FERMT2: variants seen among roughly 807,000 people sequenced by gnomAD.
FERMT2 encodes the protein FERM domain containing kindlin 2.
In FERMT2, 15 loss-of-function variants were observed where a neutral mutation model predicts 82.7. The observed-to-expected ratio is 0.18, with a 90% CI of 0.12 to 0.28. The LOEUF (loss-of-function observed/expected upper bound fraction) is 0.28, where lower values mean the gene tolerates loss of function less well. Among genes scored for constraint, FERMT2 ranks in the 10% least tolerant of loss-of-function variants. The pLI is 1.00. For synonymous variants in FERMT2, 274 were observed against 271.5 expected (o/e 1.01, Z -0.09); for missense variants, 645 against 809.4 (o/e 0.80, Z 2.46).
chr14:52,950,189 G>T (rs1337588994), intron 2 of FERMT2, among the ~76,000 whole-genome samples: 1 of 152,184 alleles, frequency 6.6e-6, no homozygotes, highest in Non-Finnish European at 1.5e-5. Context: ...ATAATTGGGA[G>T]GCTCGAATCA....
chr14:52,908,397 T>C (rs1007651289), intron 3 of FERMT2, among the ~76,000 whole-genome samples: 1 of 152,208 alleles, frequency 6.6e-6, no homozygotes, highest in Non-Finnish European at 1.5e-5. Flanking sequence ...GAAGCTTTTT[T>C]TTAAAATAAT....
chr14:52,873,948 CTT>C (rs374646717), intron 9 of FERMT2, among the ~76,000 whole-genome samples: 61 of 139,658 alleles, frequency 4.4e-4, no homozygotes, highest in African/African-American at 1.0e-3. Flanking sequence ...GTTTCACAAT[CTT>C]TTTTTTTTTT....
chr14:52,890,706 C>T (rs561586970), intron 4 of FERMT2, among the ~76,000 whole-genome samples: 170 of 150,874 alleles, frequency 1.1e-3, no homozygotes, highest in Non-Finnish European at 2.0e-3. Context: ...CAGGTTCAAG[C>T]GATTCTCCTG....
chr14:52,885,235 C>T (rs1029844761), intron 4 of FERMT2, among the ~76,000 whole-genome samples: 3 of 143,802 alleles, frequency 2.1e-5, no homozygotes, highest in African/African-American at 7.8e-5. Flanking sequence ...ATCGCTTGAA[C>T]CCAGAAGGCA....
At chr14:52,884,303 T>G (rs1465162883) in intron 4 of FERMT2, among the ~76,000 whole-genome samples, 2 of 152,188 alleles carry the variant, frequency 1.3e-5, no homozygotes, top group Admixed American at 6.5e-5. Flanking sequence ...GCAGCCAAGC[T>G]ATAAATCGGC....
At chr14:52,877,180 A>T (rs1886009811) in intron 7 of FERMT2, among the ~76,000 whole-genome samples, 1 of 152,226 alleles carries the variant, frequency 6.6e-6, no homozygotes. Context: ...TAAAAACAAT[A>T]ACCATAAACA....
chr14:52,871,170 A>G (rs1406336721), intron 10 of FERMT2, among the ~76,000 whole-genome samples: 2 of 152,064 alleles, frequency 1.3e-5, no homozygotes, highest in African/African-American at 2.4e-5. Context: ...TGTGTCTCTA[A>G]CCCCTTAGCT....
At chr14:52,950,085 T>C (rs1890555050) in intron 2 of FERMT2, among the ~76,000 whole-genome samples, 1 of 152,176 alleles carries the variant, frequency 6.6e-6, no homozygotes, top group Non-Finnish European at 1.5e-5. Context: ...CAACACACTT[T>C]CCTCATTCTT....
intron 4 of FERMT2, among the ~76,000 whole-genome samples, chr14:52,886,157 T>C (rs924254682): frequency 1.3e-5 from 2 of 152,162 alleles, no homozygotes; most frequent in African/African-American, 2.4e-5. Flanking sequence ...GAGATACTAC[T>C]TATTGTCAAA....
At chr14:52,873,312 G>T (rs2140094137) in intron 9 of FERMT2, among the ~76,000 whole-genome samples, 2 of 152,326 alleles carry the variant, frequency 1.3e-5, no homozygotes, top group East Asian at 1.9e-4. Context: ...GGTGTCTGCA[G>T]GATTGCCTTG....
chr14:52,912,100 A>G (rs535343091), intron 3 of FERMT2, among the ~76,000 whole-genome samples: 20 of 151,780 alleles, frequency 1.3e-4, no homozygotes, highest in Non-Finnish European at 1.9e-4. Flanking sequence ...GAAGACATCT[A>G]TCTATTCACA....
chr14:52,868,566 G>C (rs1429798759), intron 10 of FERMT2, among the ~76,000 whole-genome samples: 1 of 152,138 alleles, frequency 6.6e-6, no homozygotes, highest in African/African-American at 2.4e-5. Context: ...AGTTCACTTA[G>C]TATTAGCTGA....
chr14:52,869,899 C>T lies in FERMT2; in HGVS notation c.1273+2900G>A, dbSNP rs571337956. Among the ~76,000 whole-genome samples the T allele has an allele frequency of 3.3e-3, 495 of 152,006 alleles. 5 individuals are homozygous for T. Among genetic ancestry groups the T allele is most frequent in the African/African-American group, 0.011 (461 of 41,436 alleles). On this transcript the variant is annotated intron_variant, in intron 10 of 14. Coordinates refer to ENST00000341590, the MANE Select transcript of FERMT2 (RefSeq NM_006832.3). ...ACAGTGATATTGATGATCCCAATCT[C>T]GTGGAGGCCTAGGCTAATGTGTGTG...
chr14:52,890,752 C>T (rs1252851808), intron 4 of FERMT2, among the ~76,000 whole-genome samples: 1 of 151,800 alleles, frequency 6.6e-6, no homozygotes, highest in Non-Finnish European at 1.5e-5. Context: ...TACAGGTACC[C>T]ACCACCACGC....
chr14:52,926,544 G>A (rs375904224), intron 2 of FERMT2, among the ~76,000 whole-genome samples: 8 of 151,864 alleles, frequency 5.3e-5, no homozygotes, highest in Admixed American at 1.3e-4. Context: ...CATAGACTAC[G>A]CTCAAAAACT....
intron 10 of FERMT2, chr14:52,871,496 C>T (rs1192243301): frequency 6.6e-6 from 1 of 152,202 alleles, no homozygotes; most frequent in Non-Finnish European, 1.5e-5. Context: ...GGCTCATTAA[C>T]GCTCTGCAAA....
intron 6 of FERMT2, among the ~76,000 whole-genome samples, chr14:52,879,312 G>A (rs1280620138): frequency 6.6e-6 from 1 of 152,168 alleles, no homozygotes; most frequent in Non-Finnish European, 1.5e-5. Flanking sequence ...ACTGCAGATT[G>A]AGTATCCCTT....
chr14:52,943,969 T>C (rs1459171513), intron 2 of FERMT2, among the ~76,000 whole-genome samples: 2 of 152,196 alleles, frequency 1.3e-5, no homozygotes, highest in African/African-American at 4.8e-5. Flanking sequence ...TAACTCTAGT[T>C]GGAAACAAAC....
In FERMT2 at chr14:52,943,836, A is replaced by G. The variant is rs529985252; in HGVS notation, c.157+6576T>C. Among the ~76,000 whole-genome samples, 14 of 152,374 alleles carry G rather than the reference A, an allele frequency of 9.2e-5. 1 individual carries two copies. In the South Asian group the frequency reaches 2.7e-3, roughly 29 times the overall value. On this transcript the variant is annotated intron_variant, in intron 2 of 14. Transcript: ENST00000341590. Reference sequence around the variant, plus strand: ...AACTTTTAAAAATTAAGAGCCAAAGATAACAGGTAAAATTTTACATATTTT... The same window carrying G: ...AACTTTTAAAAATTAAGAGCCAAAGGTAACAGGTAAAATTTTACATATTTT...
Sources: allele counts gnomAD v4.1 joint callset (sites outside exome capture counted in the v4.1 genomes callset), GRCh38; gene constraint gnomAD v4.1.1; transcripts MANE v1.5; gene names NCBI Gene and HGNC (gene_info 2026-07-23, HGNC 2026-07-21).